The following STON1 variants were observed in gnomAD, a reference collection of about 807,000 sequenced individuals.
The protein encoded by STON1 is stonin 1, also known as stonin-1.
STON1 carries 79 observed loss-of-function variants against 60.9 expected under a neutral mutation model. The observed-to-expected ratio is 1.30, with a 90% CI of 1.08 to 1.56. The LOEUF (loss-of-function observed/expected upper bound fraction) is 1.56, where lower values mean the gene tolerates loss of function less well. Among genes scored for constraint, STON1 ranks in the 40% most tolerant of loss-of-function variants. The pLI, the probability that STON1 is intolerant of heterozygous loss-of-function variation, is 0.00. For missense variants in STON1, 1,166 were observed against 858.9 expected, an observed-to-expected ratio of 1.36 and a Z score of -4.47; for synonymous variants, 363 against 306.9, an observed-to-expected ratio of 1.18 and a Z score of -1.91.
rs1373793017 is a variant in STON1, at chr2:48,581,951, A to C, written c.1318A>C (p.Thr440Pro). The C allele has an allele frequency of 6.2e-7, 1 of 1,614,082 alleles. No individual in the cohort carries two copies. The highest frequency in any genetic ancestry group is 1.3e-5 in the African/African-American group (1 of 74,922). ...AAAATTTGTTGAAAGTGCTGTGATA[A>C]CTCAAATTTATTGCCTCTGCTTTGT... ...EGKFVESAVI[T>P]QIYCLCFVNG... Residue 440 changes from threonine to proline, a missense_variant, in exon 2 of 4, where the codon ACT (threonine) becomes CCT (proline). Thr to Pro is a conservative substitution (Grantham distance 38, BLOSUM62 -1). Transcript: ENST00000404752.
intron 3 of STON1, 66 bp from the exon 4 acceptor site, chr2:48,595,162 A>G: frequency 8.1e-7 from 1 of 1,233,768 alleles, no homozygotes. Flanking sequence ...ATAAAATAGG[A>G]CTGAAGAGGT....
chr2:48,578,155 A>T (rs13030948), intron 1 of STON1, among the ~76,000 whole-genome samples: 49,438 of 151,282 alleles, frequency 0.33, 8,166 homozygotes, highest in East Asian at 0.42. Context: ...TTTTGTATTT[A>T]TAGTAGAGAT....
intron 1 of STON1, chr2:48,531,195 A>T (rs1558557670): frequency 6.6e-6 from 1 of 152,006 alleles, no homozygotes; most frequent in Non-Finnish European, 1.5e-5. Flanking sequence ...TCCAGGCTAG[A>T]AGTTTTAATT....
intron 1 of STON1, among the ~76,000 whole-genome samples, chr2:48,562,579 C>T (rs1024352927): frequency 6.6e-6 from 1 of 152,190 alleles, no homozygotes; most frequent in African/African-American, 2.4e-5. Flanking sequence ...AGATACGAAG[C>T]AACACTGCCT....
chr2:48,542,616 C>A (rs1671699161), intron 1 of STON1, among the ~76,000 whole-genome samples: 1 of 152,176 alleles, frequency 6.6e-6, no homozygotes, highest in South Asian at 2.1e-4. Context: ...TTCAGGAGGT[C>A]TAATCAGGCT....
At chr2:48,560,632 A>C (rs1672570009) in intron 1 of STON1, among the ~76,000 whole-genome samples, 1 of 152,176 alleles carries the variant, frequency 6.6e-6, no homozygotes, top group South Asian at 2.1e-4. Flanking sequence ...TGAGAACAGA[A>C]GGTAGATAGG....
At chr2:48,588,993 A>G (rs1674365600) in intron 2 of STON1, among the ~76,000 whole-genome samples, 1 of 152,190 alleles carries the variant, frequency 6.6e-6, no homozygotes, top group South Asian at 2.1e-4. Context: ...GAAGAAAGAG[A>G]AAGACAGCTG....
chr2:48,556,985 C>T (rs1327664650), intron 1 of STON1, among the ~76,000 whole-genome samples: 1 of 68,952 alleles, frequency 1.5e-5, no homozygotes, highest in Non-Finnish European at 3.1e-5. Flanking sequence ...GACCCCCCCA[C>T]CTCCCTCCTG....
chr2:48,595,382 A>T lies in STON1; in HGVS notation c.*80A>T, dbSNP rs1674744431. Reference sequence around the variant, plus strand: ...ACCACACCAAGTCCTGCTACTGTAGAGTGGAAATGACTTCTGAATAGCGGT... The same window carrying T: ...ACCACACCAAGTCCTGCTACTGTAGTGTGGAAATGACTTCTGAATAGCGGT... On this transcript the variant is annotated 3_prime_UTR_variant, in exon 4 of 4. Coordinates refer to ENST00000404752, the MANE Select transcript of STON1 (RefSeq NM_006873.4). 7.8e-7 allele frequency: 1 copy of T among 1,284,796 alleles called. No homozygotes were observed. Among genetic ancestry groups the T allele is most frequent in the African/African-American group, 1.5e-5 (1 of 67,564 alleles). The allele number at this position is 1,284,796 out of a possible 1,614,324, so 79.6% of individuals were successfully genotyped here. A position where few individuals can be genotyped will look rare whatever the true frequency, so the allele number is the denominator to read the frequency against.
At position 48,580,987 on chromosome 2, in the gene STON1, A is replaced by C; in HGVS notation, c.354A>C (p.Gly118=). ...CAGACAGCCCACTCGCAATATCAGG[A>C]GGAGAATCTTCCTTACTGCCTACCA... ...SSSDSPLAIS[G]GESSLLPTRP... is the part of the protein sequence containing the mutation. Residue 118 remains glycine (G), a synonymous_variant, in exon 2 of 4, where the codon GGA becomes GGC. Transcript: ENST00000404752. The C allele has an allele frequency of 6.3e-7, 1 of 1,575,958 alleles. No individual in the cohort carries two copies. The highest frequency in any genetic ancestry group is 8.6e-7 in the Non-Finnish European group (1 of 1,164,214).
At chr2:48,540,042 T>C (rs977807006) in intron 1 of STON1, among the ~76,000 whole-genome samples, 2 of 152,204 alleles carry the variant, frequency 1.3e-5, no homozygotes, top group African/African-American at 4.8e-5. Flanking sequence ...CGCAGGTATT[T>C]AGGCCTCTTG....
intron 1 of STON1, among the ~76,000 whole-genome samples, chr2:48,564,494 T>TC (rs1672801874): frequency 8.7e-5 from 2 of 22,994 alleles, no homozygotes; most frequent in Non-Finnish European, 1.6e-4. Context: ...TTCTTCTTCT[T>TC]CTTCTTCTTC....
chr2:48,575,748 A>C (rs1217365843), intron 1 of STON1, among the ~76,000 whole-genome samples: 1 of 130,846 alleles, frequency 7.6e-6, no homozygotes, highest in Non-Finnish European at 1.6e-5. Flanking sequence ...TTCTATTTTT[A>C]GTTTTTGTTT....
chr2:48,578,788 G>T (rs1356952092), intron 1 of STON1, among the ~76,000 whole-genome samples: 2 of 151,374 alleles, frequency 1.3e-5, no homozygotes, highest in African/African-American at 4.9e-5. Context: ...ACTGGGTTTT[G>T]CCATGTTGGC....
intron 1 of STON1, among the ~76,000 whole-genome samples, chr2:48,535,086 C>G (rs554938231): frequency 1.3e-5 from 2 of 152,220 alleles, no homozygotes; most frequent in East Asian, 3.9e-4. Flanking sequence ...CTTCAGAGCT[C>G]TGCAGATTAC....
intron 1 of STON1, among the ~76,000 whole-genome samples, chr2:48,538,724 A>C (rs1405807302): frequency 7.0e-6 from 1 of 142,090 alleles, no homozygotes; most frequent in African/African-American, 2.6e-5. Context: ...CAGCCTCCCG[A>C]GTTGCTGGGA....
intron 1 of STON1, among the ~76,000 whole-genome samples, chr2:48,567,507 G>A: frequency 6.6e-6 from 1 of 152,186 alleles, no homozygotes. Flanking sequence ...CGCCTCCTGT[G>A]TTCAAGCGAT....
At chr2:48,595,146 A>G in intron 3 of STON1, 82 bp from the exon 4 acceptor site, 1 of 1,085,594 alleles carries the variant, frequency 9.2e-7, no homozygotes, top group Non-Finnish European at 1.4e-6. Context: ...AGTCTGTGCC[A>G]CATGTATAAA....
intron 1 of STON1, among the ~76,000 whole-genome samples, chr2:48,561,922 G>T (rs1467579975): frequency 6.6e-6 from 1 of 152,144 alleles, no homozygotes; most frequent in African/African-American, 2.4e-5. Context: ...GTGCAGTGGT[G>T]CAATCTCAGC....
Sources: gnomAD v4.1 joint callset for allele counts (sites outside exome capture counted in the v4.1 genomes callset) on GRCh38, gnomAD v4.1.1 for gene constraint, MANE v1.5 for transcripts, NCBI Gene and HGNC (gene_info 2026-07-23, HGNC 2026-07-21) for gene names.